The following L3MBTL4 variants were observed in gnomAD, a reference collection of about 807,000 sequenced individuals.
L3MBTL4 encodes L3MBTL histone methyl-lysine binding protein 4, also known as lethal(3)malignant brain tumor-like protein 4.
Under a neutral mutation model 84.5 loss-of-function variants are expected in L3MBTL4, and 70 were observed. The ratio of observed to expected loss-of-function variants is 0.83; its 90% CI spans 0.68 to 1.01. L3MBTL4 has a LOEUF of 1.01. Ranked by LOEUF, L3MBTL4 falls within the 50% of genes least tolerant of loss-of-function variation. L3MBTL4 has a pLI of 0.00. For missense variants in L3MBTL4, 715 were observed against 754.8 expected (o/e 0.95, Z 0.62); for synonymous variants, 274 against 259.8 (o/e 1.05, Z -0.52).
At chr18:5,971,195 T>G (rs954785554) in intron 16 of L3MBTL4, among the ~76,000 whole-genome samples, 2 of 152,220 alleles carry the variant, frequency 1.3e-5, no homozygotes, top group African/African-American at 4.8e-5. Context: ...TGTGAATGTT[T>G]TTTAATGAAG....
chr18:6,048,657 C>A (rs1324005323), intron 16 of L3MBTL4, among the ~76,000 whole-genome samples: 1 of 151,854 alleles, frequency 6.6e-6, no homozygotes, highest in Non-Finnish European at 1.5e-5. Flanking sequence ...GGTGTGGTGG[C>A]GGGCACCTAT....
intron 4 of L3MBTL4, among the ~76,000 whole-genome samples, chr18:6,269,180 T>C (rs933532451): frequency 6.6e-6 from 1 of 152,166 alleles, no homozygotes; most frequent in Non-Finnish European, 1.5e-5. Context: ...CTTTTGAAAG[T>C]TGCCAGGCGC....
intron 16 of L3MBTL4, among the ~76,000 whole-genome samples, chr18:6,039,757 T>C (rs1225561723): frequency 6.6e-6 from 1 of 152,190 alleles, no homozygotes; most frequent in Non-Finnish European, 1.5e-5. Context: ...GGGTCAAGTG[T>C]CTTTGAAACT....
At chr18:6,277,640 T>G (rs1440196852) in intron 4 of L3MBTL4, among the ~76,000 whole-genome samples, 2 of 152,222 alleles carry the variant, frequency 1.3e-5, no homozygotes, top group African/African-American at 4.8e-5. Context: ...GCTTTCCATT[T>G]ATTCAAATAG....
At chr18:6,098,579 C>T (rs1324024448) in intron 14 of L3MBTL4, among the ~76,000 whole-genome samples, 1 of 152,108 alleles carries the variant, frequency 6.6e-6, no homozygotes, top group East Asian at 1.9e-4. Flanking sequence ...TTCTTGTGAT[C>T]CTGAAAAGTA....
At chr18:6,160,314 G>A (rs553399986) in intron 13 of L3MBTL4, among the ~76,000 whole-genome samples, 3 of 152,164 alleles carry the variant, frequency 2.0e-5, no homozygotes, top group South Asian at 2.1e-4. Flanking sequence ...AGGAGTGTTC[G>A]GAGTCAGTGT....
At chr18:5,994,436 C>T (rs371271547) in intron 16 of L3MBTL4, among the ~76,000 whole-genome samples, 1 of 152,204 alleles carries the variant, frequency 6.6e-6, no homozygotes, top group African/African-American at 2.4e-5. Context: ...ATGGCACTTA[C>T]TATGTACCTG....
At chr18:6,166,790 C>T (rs985899239) in intron 13 of L3MBTL4, among the ~76,000 whole-genome samples, 18 of 152,020 alleles carry the variant, frequency 1.2e-4, no homozygotes, top group African/African-American at 4.3e-4. Flanking sequence ...AGAGCAAACA[C>T]ATTCAAAAGC....
At chr18:6,387,324 T>C (rs2054866033) in intron 1 of L3MBTL4, among the ~76,000 whole-genome samples, 1 of 152,206 alleles carries the variant, frequency 6.6e-6, no homozygotes, top group Non-Finnish European at 1.5e-5. Context: ...GATACCCATA[T>C]GAGCATTCAA....
chr18:6,378,974 T>C (rs1033687844), intron 1 of L3MBTL4, among the ~76,000 whole-genome samples: 1 of 113,098 alleles, frequency 8.8e-6, no homozygotes, highest in Non-Finnish European at 1.7e-5. Context: ...TTCCATTTAC[T>C]TGTGTCCTCT....
intron 16 of L3MBTL4, among the ~76,000 whole-genome samples, chr18:6,013,077 C>T (rs1323670091): frequency 6.6e-6 from 1 of 152,132 alleles, no homozygotes; most frequent in Non-Finnish European, 1.5e-5. Context: ...CACAGGCTCA[C>T]TCTTTTAAGG....
At chr18:6,405,107 T>C (rs2055671042) in intron 1 of L3MBTL4, among the ~76,000 whole-genome samples, 1 of 152,226 alleles carries the variant, frequency 6.6e-6, no homozygotes, top group Admixed American at 6.5e-5. Context: ...TTTTGGTGAA[T>C]TTATGATCTT....
intron 16 of L3MBTL4, among the ~76,000 whole-genome samples, chr18:5,996,660 T>G (rs2053986571): frequency 6.6e-6 from 1 of 152,012 alleles, no homozygotes; most frequent in South Asian, 2.1e-4. Flanking sequence ...ACACCATCAG[T>G]GCAGGTTATG....
At chr18:6,034,087 G>A (rs2055978732) in intron 16 of L3MBTL4, among the ~76,000 whole-genome samples, 1 of 151,724 alleles carries the variant, frequency 6.6e-6, no homozygotes, top group East Asian at 1.9e-4. Flanking sequence ...GGCACGTCTG[G>A]TGGTTATGAA....
At chr18:6,137,980 G>T (rs184502677) in intron 14 of L3MBTL4, among the ~76,000 whole-genome samples, 1 of 152,234 alleles carries the variant, frequency 6.6e-6, no homozygotes, top group African/African-American at 2.4e-5. Context: ...ACATGAAGTG[G>T]GTCTGGGAAA....
At chr18:6,137,599 A>G (rs893786910) in intron 14 of L3MBTL4, among the ~76,000 whole-genome samples, 1 of 152,208 alleles carries the variant, frequency 6.6e-6, no homozygotes, top group African/African-American at 2.4e-5. Flanking sequence ...TTTCTAGATC[A>G]CCAATATAAA....
intron 1 of L3MBTL4, among the ~76,000 whole-genome samples, chr18:6,334,644 A>G (rs1264683459): frequency 6.6e-6 from 1 of 152,182 alleles, no homozygotes; most frequent in East Asian, 1.9e-4. Flanking sequence ...TAAAATAATG[A>G]AGCAGCTTAC....
At chr18:6,193,242 T>A in intron 12 of L3MBTL4, among the ~76,000 whole-genome samples, 1 of 150,522 alleles carries the variant, frequency 6.6e-6, no homozygotes, top group Admixed American at 6.6e-5. Flanking sequence ...CCACCAAGAA[T>A]GAAAATCAGA....
At chr18:5,977,630 C>T (rs1430035552) in intron 16 of L3MBTL4, among the ~76,000 whole-genome samples, 1 of 152,244 alleles carries the variant, frequency 6.6e-6, no homozygotes, top group Admixed American at 6.5e-5. Context: ...AGGAGCTCAG[C>T]CTCCAGCTTT....
Sources: allele counts gnomAD v4.1 joint callset (sites outside exome capture counted in the v4.1 genomes callset), GRCh38; gene constraint gnomAD v4.1.1; transcripts MANE v1.5; gene names NCBI Gene and HGNC (gene_info 2026-07-23, HGNC 2026-07-21).